The following BAZ2B variants were observed in gnomAD, a reference collection of about 807,000 sequenced individuals.
BAZ2B encodes bromodomain adjacent to zinc finger domain 2B.
In BAZ2B, 91 loss-of-function variants were observed where a neutral mutation model predicts 246.0. That is an observed-to-expected ratio of 0.37 (90% CI 0.31 to 0.44). The LOEUF (loss-of-function observed/expected upper bound fraction) is 0.44, where lower values mean the gene tolerates loss of function less well. BAZ2B is among the 20% of genes least tolerant of loss of function. The pLI is 1.00. For synonymous variants in BAZ2B, 855 were observed against 860.0 expected (o/e 0.99, Z 0.10); for missense variants, 2,332 against 2,533.7 (o/e 0.92, Z 1.71).
the BAZ2B span, among the ~76,000 whole-genome samples, chr2:159,697,357 A>C: frequency 3.1e-4 from 47 of 152,164 alleles, no homozygotes; most frequent in Non-Finnish European, 6.2e-4. Flanking sequence ...TACTAAGATA[A>C]ATTCTTCCAA....
At chr2:159,509,031 T>C (rs978182481) in intron 2 of BAZ2B, among the ~76,000 whole-genome samples, 1 of 152,196 alleles carries the variant, frequency 6.6e-6, no homozygotes, top group East Asian at 1.9e-4. Context: ...TATGAAAAGA[T>C]AGGTAAACAT....
At chr2:159,685,209 T>C in the BAZ2B span, among the ~76,000 whole-genome samples, 2 of 152,142 alleles carry the variant, frequency 1.3e-5, no homozygotes, top group Non-Finnish European at 2.9e-5. Context: ...AAATAAAATA[T>C]AGAAAAATGT....
intron 16 of BAZ2B, among the ~76,000 whole-genome samples, chr2:159,400,991 C>A (rs1476833719): frequency 2.6e-5 from 4 of 151,990 alleles, no homozygotes; most frequent in African/African-American, 9.7e-5. Context: ...TTGCAGTCAG[C>A]CAAGATGTGC....
intron 1 of BAZ2B, among the ~76,000 whole-genome samples, chr2:159,564,480 A>C (rs192425729): frequency 2.0e-4 from 30 of 152,098 alleles, no homozygotes; most frequent in Middle Eastern, 3.4e-3. Flanking sequence ...GAATCAAAAC[A>C]CAGTGACCAG....
chr2:159,435,879 T>G (rs2072190401), intron 8 of BAZ2B, among the ~76,000 whole-genome samples: 1 of 152,248 alleles, frequency 6.6e-6, no homozygotes, highest in South Asian at 2.1e-4. Flanking sequence ...TATACTGTAT[T>G]AGTTTAGAAA....
the BAZ2B span, among the ~76,000 whole-genome samples, chr2:159,635,704 T>C: frequency 1.3e-5 from 2 of 152,272 alleles, no homozygotes; most frequent in African/African-American, 4.8e-5. Flanking sequence ...GACATTTCTG[T>C]AGCTTCTTTC....
chr2:159,612,944 A>G (rs1444525522), intron 1 of BAZ2B, among the ~76,000 whole-genome samples: 3 of 152,170 alleles, frequency 2.0e-5, no homozygotes, highest in Non-Finnish European at 2.9e-5. Context: ...TTACAGTCTT[A>G]TGTGCATTTT....
At chr2:159,431,605 C>G (rs2071127362) in intron 9 of BAZ2B, among the ~76,000 whole-genome samples, 1 of 152,118 alleles carries the variant, frequency 6.6e-6, no homozygotes. Context: ...CAATTTTCAA[C>G]AGGAGATTCT....
intron 8 of BAZ2B, chr2:159,435,683 T>G (rs2072136720): frequency 2.0e-5 from 3 of 152,190 alleles, no homozygotes; most frequent in Admixed American, 2.0e-4. Context: ...GAGAAGGGGT[T>G]TCACCATGTT....
chr2:159,645,680 T>C, the BAZ2B span, among the ~76,000 whole-genome samples: 10 of 152,036 alleles, frequency 6.6e-5, no homozygotes, highest in Admixed American at 6.6e-4. Flanking sequence ...CTTTTCTATT[T>C]TCTCTAAGCA....
At chr2:159,550,885 G>C (rs1453940140) in intron 2 of BAZ2B, among the ~76,000 whole-genome samples, 3 of 152,070 alleles carry the variant, frequency 2.0e-5, no homozygotes, top group Non-Finnish European at 4.4e-5. Context: ...GCCTAGGCTG[G>C]AGTACAATGG....
At chr2:159,357,844 A>T (rs1426879654) in intron 27 of BAZ2B, among the ~76,000 whole-genome samples, 1 of 152,208 alleles carries the variant, frequency 6.6e-6, no homozygotes, top group Non-Finnish European at 1.5e-5. Flanking sequence ...TTCAACCCAG[A>T]ATTTTGTCTC....
chr2:159,325,223 C>T (rs1456778243), intron 35 of BAZ2B, among the ~76,000 whole-genome samples: 4 of 142,794 alleles, frequency 2.8e-5, no homozygotes, highest in Non-Finnish European at 4.6e-5. Flanking sequence ...CCCTGCCTCC[C>T]GGGTTCAAGT....
At chr2:159,504,962 C>T (rs1263686469) in intron 2 of BAZ2B, among the ~76,000 whole-genome samples, 2 of 152,014 alleles carry the variant, frequency 1.3e-5, no homozygotes, top group Non-Finnish European at 2.9e-5. Flanking sequence ...CACAATCTGC[C>T]TTAGATGATA....
chr2:159,634,874 TTC>T, the BAZ2B span, among the ~76,000 whole-genome samples: 11 of 152,218 alleles, frequency 7.2e-5, no homozygotes, highest in African/African-American at 2.4e-4. Context: ...TTTTTAAAAC[TTC>T]TCTCTTTTTC....
intron 3 of BAZ2B, among the ~76,000 whole-genome samples, chr2:159,456,453 T>C (rs1171250378): frequency 2.0e-5 from 3 of 152,098 alleles, no homozygotes; most frequent in Non-Finnish European, 4.4e-5. Flanking sequence ...ATCACTCTTG[T>C]GGCAACAATG....
At chr2:159,433,654 CATT>C in intron 8 of BAZ2B, 1 of 230,384 alleles carries the variant, frequency 4.3e-6, no homozygotes, top group African/African-American at 2.3e-5. Flanking sequence ...AACTTAAAAC[CATT>C]TTCTTTGCAT....
chr2:159,339,487 T>C (rs1309254252), intron 31 of BAZ2B, among the ~76,000 whole-genome samples: 2 of 152,074 alleles, frequency 1.3e-5, no homozygotes, highest in African/African-American at 4.8e-5. Flanking sequence ...AACCAACTTA[T>C]CCACTATGAA....
intron 2 of BAZ2B, among the ~76,000 whole-genome samples, chr2:159,496,269 A>G (rs1235217717): frequency 4.7e-5 from 7 of 148,822 alleles, no homozygotes; most frequent in African/African-American, 1.7e-4. Context: ...CCAGCTACTC[A>G]GGAGGCTGAG....
Sources: allele counts gnomAD v4.1 joint callset (sites outside exome capture counted in the v4.1 genomes callset), GRCh38; gene constraint gnomAD v4.1.1; transcripts MANE v1.5; gene names NCBI Gene and HGNC (gene_info 2026-07-23, HGNC 2026-07-21).